Variants in GDAP2 observed in about 807,000 individuals in gnomAD.
GDAP2 encodes ganglioside induced differentiation associated protein 2, also known as ganglioside-induced differentiation-associated protein 2.
GDAP2 carries 51 observed loss-of-function variants against 67.0 expected under a neutral mutation model. The ratio of observed to expected loss-of-function variants is 0.76; its 90% CI spans 0.61 to 0.96. The LOEUF is 0.96. GDAP2 is among the 40% of genes least tolerant of loss of function. The pLI, the probability that GDAP2 is intolerant of heterozygous loss-of-function variation, is 0.00. For synonymous variants in GDAP2, 203 were observed against 207.3 expected (o/e 0.98, Z 0.18); for missense variants, 547 against 588.3 (o/e 0.93, Z 0.73).
Position 117,866,448 on chromosome 1 carries a change from C to T in GDAP2, c.*4121G>A, listed in dbSNP as rs574516271. The T allele has an allele frequency of 2.3e-4, 35 of 152,334 alleles. 1 individual carries two copies. The East Asian group carries it at 5.2e-3, about 23-fold the overall frequency. 9.4% of individuals were successfully genotyped at this position (152,334 alleles called of 1,614,324 possible). On this transcript the variant is annotated 3_prime_UTR_variant, in exon 14 of 14. Coordinates refer to ENST00000369443, the MANE Select transcript of GDAP2 (RefSeq NM_017686.4). ...AAGGTAAAGCCCTCCTTTCATTCTT[C>T]ATGGTCTTTTTGCAAAACAAGAGTT...
chr1:117,907,415 A>G (rs1026010685), intron 5 of GDAP2, among the ~76,000 whole-genome samples: 8 of 152,218 alleles, frequency 5.3e-5, no homozygotes, highest in Admixed American at 2.6e-4. Context: ...CCTATTAGGT[A>G]TATCTGCTTA....
intron 8 of GDAP2, among the ~76,000 whole-genome samples, chr1:117,888,533 A>G (rs767502022): frequency 3.9e-5 from 6 of 152,156 alleles, no homozygotes; most frequent in Non-Finnish European, 8.8e-5. Context: ...TTGAATTTGA[A>G]GTTGCACTCA....
chr1:117,918,885 T>G, intron 2 of GDAP2, 149 bp from the exon 3 acceptor site: 1 of 665,836 alleles, frequency 1.5e-6, no homozygotes, highest in Non-Finnish European at 2.5e-6. Context: ...AAGAAATTTC[T>G]GACTTAAAAA....
At chr1:117,921,204 C>A (rs1480724882) in intron 1 of GDAP2, among the ~76,000 whole-genome samples, 3 of 151,906 alleles carry the variant, frequency 2.0e-5, no homozygotes, top group Admixed American at 1.3e-4. Context: ...TGTGTCACTG[C>A]ACTCCAGCCT....
intron 7 of GDAP2, among the ~76,000 whole-genome samples, chr1:117,897,753 C>A (rs1377128224): frequency 2.0e-5 from 3 of 152,158 alleles, no homozygotes; most frequent in Non-Finnish European, 4.4e-5. Context: ...AATGCCAGCA[C>A]TTGAATTCCA....
rs913585480 is a variant in GDAP2 at position 117,908,606 on chromosome 1, T to C, written c.560-2024A>G. On this transcript the variant is annotated intron_variant, in intron 5 of 13. Coordinates refer to ENST00000369443, the MANE Select transcript of GDAP2 (RefSeq NM_017686.4). ...GGGAGGTGAGGGCAAGACGATTACT[T>C]GAGCCTGAGTTCAAGACTAGTTTGG... 7.2e-5 allele frequency among the ~76,000 whole-genome samples: 11 copies of C among 152,212 alleles called. No individual in the cohort carries two copies. The South Asian group carries it at 2.3e-3, about 32-fold the overall frequency.
At chr1:117,898,112 CT>C (rs1339218128) in intron 7 of GDAP2, among the ~76,000 whole-genome samples, 2 of 152,140 alleles carry the variant, frequency 1.3e-5, no homozygotes, top group African/African-American at 2.4e-5. Context: ...ATTAATTAGT[CT>C]TATCTACTGT....
chr1:117,919,209 T>C (rs1339457803), intron 2 of GDAP2, among the ~76,000 whole-genome samples: 1 of 151,858 alleles, frequency 6.6e-6, no homozygotes, highest in Non-Finnish European at 1.5e-5. Flanking sequence ...CCCATCTTTA[T>C]TAAAAATACA....
intron 6 of GDAP2, among the ~76,000 whole-genome samples, chr1:117,903,936 A>G (rs994561836): frequency 2.0e-5 from 3 of 151,946 alleles, no homozygotes; most frequent in African/African-American, 7.3e-5. Context: ...TCAGACAACA[A>G]TATTCTAGGT....
In GDAP2 at chr1:117,869,759, G is replaced by A. The variant is rs1446818867; in HGVS notation, c.*810C>T. 6.6e-6 allele frequency: 1 copy of A among 152,584 alleles called. No individual in the cohort carries two copies. Among genetic ancestry groups the A allele is most frequent in the African/African-American group, 2.4e-5 (1 of 41,442 alleles). 9.5% of individuals were successfully genotyped at this position (152,584 alleles called of 1,614,324 possible). On this transcript the variant is annotated 3_prime_UTR_variant, in exon 14 of 14. Transcript: ENST00000369443. ...GCTAAACAAAATCATTCATGACTCTGGAAGACAACACACTCTCTAAATGCT... is the reference window on the plus strand; with the variant it reads ...GCTAAACAAAATCATTCATGACTCTAGAAGACAACACACTCTCTAAATGCT...
Position 117,869,786 on chromosome 1 carries a change from A to G in GDAP2, c.*783T>C, listed in dbSNP as rs1313186874. The G allele has an allele frequency of 6.6e-6, 1 of 152,554 alleles. No homozygotes were observed. The highest frequency in any genetic ancestry group is 2.4e-5 in the African/African-American group (1 of 41,448). 9.5% of individuals were successfully genotyped at this position (152,554 alleles called of 1,614,324 possible). A position where few individuals can be genotyped will look rare whatever the true frequency, so the allele number is the denominator to read the frequency against. ...AAGACAACACACTCTCTAAATGCTC[A>G]CTGCTGGAGTCTTGGAAGATGCTCT... On this transcript the variant is annotated 3_prime_UTR_variant, in exon 14 of 14. Coordinates refer to ENST00000369443, the MANE Select transcript of GDAP2 (RefSeq NM_017686.4).
At chr1:117,892,772 A>G (rs1649130068) in intron 8 of GDAP2, among the ~76,000 whole-genome samples, 1 of 152,112 alleles carries the variant, frequency 6.6e-6, no homozygotes, top group East Asian at 1.9e-4. Context: ...CCAGCAGCTG[A>G]ATGACAAAAA....
intron 13 of GDAP2, among the ~76,000 whole-genome samples, chr1:117,876,762 T>G (rs1403365652): frequency 1.3e-5 from 2 of 152,206 alleles, no homozygotes; most frequent in Non-Finnish European, 2.9e-5. Flanking sequence ...TATAGGCCCT[T>G]AAGTATATAG....
In GDAP2 at chr1:117,912,632, C is replaced by T. The variant is rs746129161; in HGVS notation, c.368G>A (p.Arg123Gln). The T allele has an allele frequency of 1.4e-5, 22 of 1,613,466 alleles. No individual in the cohort carries two copies. Among genetic ancestry groups the T allele is most frequent in the South Asian group, 3.3e-5 (3 of 91,070 alleles). Residue 123 changes from arginine (R) to glutamine (Q), a missense_variant, in exon 4 of 14, where the codon CGG (arginine) becomes CAG (glutamine). Transcript: ENST00000369443. ...AGGTCCCACTGTGTGAATGATGAAC[C>T]GGGCAGCTAGATTGAATCCTTTTGT... ...KLTKGFNLAA[R>Q]FIIHTVGPKY... is the part of the protein sequence containing the mutation.
At chr1:117,910,577 A>G (rs1307422302) in intron 5 of GDAP2, among the ~76,000 whole-genome samples, 1 of 152,202 alleles carries the variant, frequency 6.6e-6, no homozygotes, top group Non-Finnish European at 1.5e-5. Flanking sequence ...TAACTTATAC[A>G]TTCAAATATC....
In GDAP2 at chr1:117,868,203, C is replaced by T. The variant is rs1648139872; in HGVS notation, c.*2366G>A. 6.6e-6 allele frequency: 1 copy of T among 152,146 alleles called. No homozygotes were observed. Among genetic ancestry groups the T allele is most frequent in the East Asian group, 1.9e-4 (1 of 5,200 alleles). The allele number at this position is 152,146 out of a possible 1,614,324, so 9.4% of individuals were successfully genotyped here. A position where few individuals can be genotyped will look rare whatever the true frequency, so the allele number is the denominator to read the frequency against. On this transcript the variant is annotated 3_prime_UTR_variant, in exon 14 of 14. Transcript: ENST00000369443. Reference sequence around the variant, plus strand: ...TCAATATCAAGGTCATTATATTTCTCCTCTAGGATTTGGTACTTTGAAGCA... The same window carrying T: ...TCAATATCAAGGTCATTATATTTCTTCTCTAGGATTTGGTACTTTGAAGCA...
Position 117,865,388 on chromosome 1 carries a change from T to C in GDAP2, c.*5181A>G, listed in dbSNP as rs1648022030. 2.0e-5 allele frequency: 3 copies of C among 152,202 alleles called. No homozygotes were observed. The highest frequency in any genetic ancestry group is 4.1e-4 in the South Asian group (2 of 4,836). 9.4% of individuals were successfully genotyped at this position (152,202 alleles called of 1,614,324 possible). On this transcript the variant is annotated 3_prime_UTR_variant, in exon 14 of 14. Transcript: ENST00000369443. ...AGAATGAGCAAAAAATATTTTAAAA[T>C]ACAAAGTTTTCATAAAAGCTTTCTG...
Position 117,920,268 on chromosome 1 carries a change from A to G in GDAP2, c.90T>C (p.Ser30=). 1 of 1,607,562 alleles carries G rather than the reference A, an allele frequency of 6.2e-7. No individual in the cohort carries two copies. The highest frequency in any genetic ancestry group is 8.5e-7 in the Non-Finnish European group (1 of 1,174,194). Residue 30 remains serine (S), a synonymous_variant, in exon 2 of 14, where the codon TCT becomes TCC. Coordinates refer to ENST00000369443, the MANE Select transcript of GDAP2 (RefSeq NM_017686.4). ...GDSCQDELNS[S]DTTAEIFQED... ...CCTGAAATATTTCAGCTGTAGTATC[A>G]GAGGAATTTAATTCATCTTGGCATG...
At chr1:117,903,021 T>C (rs1166808325) in intron 6 of GDAP2, among the ~76,000 whole-genome samples, 4 of 152,216 alleles carry the variant, frequency 2.6e-5, no homozygotes, top group African/African-American at 7.2e-5. Flanking sequence ...CTTTTTTTGA[T>C]GCTACTCTAA....
Sources: gnomAD v4.1 joint callset for allele counts (sites outside exome capture counted in the v4.1 genomes callset) on GRCh38, gnomAD v4.1.1 for gene constraint, MANE v1.5 for transcripts, NCBI Gene and HGNC (gene_info 2026-07-23, HGNC 2026-07-21) for gene names.